ANTXR1: variants seen among roughly 807,000 people sequenced by gnomAD.
ANTXR1 encodes the protein ANTXR cell adhesion molecule 1.
In ANTXR1, 19 loss-of-function variants were observed where a neutral mutation model predicts 78.1. The observed-to-expected ratio is 0.24, with a 90% confidence interval of 0.17 to 0.36. The LOEUF is 0.36. ANTXR1 is among the 10% of genes least tolerant of loss of function. The pLI, the probability that ANTXR1 is intolerant of heterozygous loss-of-function variation, is 1.00. For synonymous variants in ANTXR1, 273 were observed against 260.5 expected (o/e 1.05, Z -0.46); for missense variants, 518 against 718.6 (o/e 0.72, Z 3.19).
intron 10 of ANTXR1, among the ~76,000 whole-genome samples, chr2:69,114,561 C>A (rs1213837790): frequency 6.6e-6 from 1 of 152,168 alleles, no homozygotes; most frequent in Non-Finnish European, 1.5e-5. Context: ...CAATAATAAC[C>A]CACTTCATTT....
chr2:69,177,487 G>A (rs1267751218), intron 14 of ANTXR1, among the ~76,000 whole-genome samples: 2 of 152,318 alleles, frequency 1.3e-5, no homozygotes, highest in South Asian at 2.1e-4. Context: ...GTCAGAAGGG[G>A]CCTCTACCAT....
chr2:69,174,360 A>G (rs924139322), intron 14 of ANTXR1, among the ~76,000 whole-genome samples: 16 of 152,338 alleles, frequency 1.1e-4, no homozygotes, highest in African/African-American at 3.6e-4. Context: ...TAACTGGGCC[A>G]GGTACAGTGG....
At chr2:69,070,491 G>A (rs1175138288) in intron 3 of ANTXR1, among the ~76,000 whole-genome samples, 156 bp from the exon 4 acceptor site, 4 of 152,166 alleles carry the variant, frequency 2.6e-5, no homozygotes, top group Non-Finnish European at 5.9e-5. Context: ...GACCCTGAAC[G>A]GATAATATAA....
At position 69,156,715 on chromosome 2, in the gene ANTXR1, C is replaced by T. The variant is rs572887894; in HGVS notation, c.1047+4451C>T. 3.3e-5 allele frequency among the ~76,000 whole-genome samples: 5 copies of T among 152,240 alleles called. No homozygotes were observed. In the South Asian group the frequency reaches 8.3e-4, roughly 25 times the overall value. The stretch of plus-strand genomic sequence containing the variant: ...GAGGTGCCACACACTTTTCAACAAC[C>T]GGATCTCAGGAAAACTCACTATCAC... On this transcript the variant is annotated intron_variant, in intron 13 of 17. Coordinates refer to ENST00000303714, the MANE Select transcript of ANTXR1 (RefSeq NM_032208.3).
chr2:69,162,040 A>G (rs1375354161), intron 13 of ANTXR1, among the ~76,000 whole-genome samples: 1 of 152,174 alleles, frequency 6.6e-6, no homozygotes, highest in Non-Finnish European at 1.5e-5. Flanking sequence ...AAAATCCATT[A>G]CTATTGACTG....
intron 10 of ANTXR1, among the ~76,000 whole-genome samples, chr2:69,120,674 G>A (rs12467800): frequency 0.3 from 44,888 of 151,372 alleles, 7,888 homozygotes; most frequent in African/African-American, 0.49. Flanking sequence ...AGAAAAAAAA[G>A]ATAATAATAA....
intron 13 of ANTXR1, among the ~76,000 whole-genome samples, chr2:69,158,518 C>G (rs188663749): frequency 3.1e-4 from 47 of 152,310 alleles, no homozygotes; most frequent in African/African-American, 1.1e-3. Context: ...ATATATCTCT[C>G]ACTGTACAGA....
At chr2:69,094,520 G>A (rs76923727) in intron 9 of ANTXR1, among the ~76,000 whole-genome samples, 6,506 of 152,188 alleles carry the variant, frequency 0.043, 462 homozygotes, top group African/African-American at 0.15. Flanking sequence ...TGCCTTCATC[G>A]AAAACCTTTC....
intron 13 of ANTXR1, among the ~76,000 whole-genome samples, chr2:69,160,348 C>T (rs1424459619): frequency 1.3e-5 from 2 of 152,102 alleles, no homozygotes; most frequent in African/African-American, 4.8e-5. Flanking sequence ...TTGTCAAAGT[C>T]GACTGGGTTT....
chr2:69,170,349 T>G (rs1673949524), intron 14 of ANTXR1, 60 bp downstream of exon 14: 1 of 1,599,040 alleles, frequency 6.3e-7, no homozygotes, highest in Non-Finnish European at 8.6e-7. Flanking sequence ...GGTGGAGAGC[T>G]GGCTGGGCAG....
At chr2:69,105,087 A>G (rs974846543) in intron 10 of ANTXR1, among the ~76,000 whole-genome samples, 5 of 152,206 alleles carry the variant, frequency 3.3e-5, no homozygotes, top group African/African-American at 1.2e-4. Flanking sequence ...CCCCATCCAA[A>G]TAATAATAGG....
At chr2:69,186,580 G>A (rs1674421968) in intron 16 of ANTXR1, among the ~76,000 whole-genome samples, 1 of 152,228 alleles carries the variant, frequency 6.6e-6, no homozygotes, top group South Asian at 2.1e-4. Context: ...GGCAACCAGG[G>A]GCTGGCAACA....
rs771470076 is a variant in ANTXR1 at position 69,090,925 on chromosome 2, T to C, written c.703+6T>C. On this transcript the variant is annotated splice_donor_region_variant and intron_variant, in intron 9 of 17. Transcript: ENST00000303714. ...ATCCACCATATGTGCAGGAGGTAAA[T>C]TGAAATGAAATGCTAATTGCTTTCA... 8 of 1,612,202 alleles carry C rather than the reference T, an allele frequency of 5.0e-6. No individual in the cohort carries two copies. Among genetic ancestry groups the C allele is most frequent in the East Asian group, 4.5e-5 (2 of 44,892 alleles).
chr2:69,167,580 T>C (rs1673863539), intron 13 of ANTXR1, among the ~76,000 whole-genome samples: 1 of 152,230 alleles, frequency 6.6e-6, no homozygotes, highest in South Asian at 2.1e-4. Context: ...CCTGTCTAGA[T>C]CATACTTTTA....
intron 12 of ANTXR1, among the ~76,000 whole-genome samples, chr2:69,149,309 G>A (rs572877659): frequency 1.6e-4 from 24 of 152,254 alleles, no homozygotes; most frequent in African/African-American, 5.8e-4. Flanking sequence ...CTCATTAGGG[G>A]CACCAAGCTT....
intron 3 of ANTXR1, among the ~76,000 whole-genome samples, chr2:69,050,524 G>A (rs182061097): frequency 6.6e-6 from 1 of 152,028 alleles, no homozygotes; most frequent in East Asian, 1.9e-4. Context: ...TTGGAAAAAT[G>A]AGTAGGCAAT....
Position 69,245,432 on chromosome 2 carries a change from C to T in ANTXR1, c.1642C>T (p.Pro548Ser). ...CCTTCCCCCTCCTCCCCAGGCTCCACCTCCCAACAGGGCACCTCCTCCCTC... is the reference window on the plus strand; with the variant it reads ...CCTTCCCCCTCCTCCCCAGGCTCCATCTCCCAACAGGGCACCTCCTCCCTC... ...STLPPPPQAPPPNRAPPPSRP... is the reference protein window; with the variant it reads ...STLPPPPQAPSPNRAPPPSRP... Residue 548 changes from proline to serine, a missense_variant, in exon 18 of 18, where the codon CCT becomes TCT. Coordinates refer to ENST00000303714, the MANE Select transcript of ANTXR1 (RefSeq NM_032208.3). 3 of 1,606,778 alleles carry T rather than the reference C, an allele frequency of 1.9e-6. No individual in the cohort carries two copies. The highest frequency in any genetic ancestry group is 2.5e-6 in the Non-Finnish European group (3 of 1,177,220).
chr2:69,212,347 G>A (rs1035733592), intron 17 of ANTXR1, among the ~76,000 whole-genome samples: 11 of 152,066 alleles, frequency 7.2e-5, no homozygotes, highest in Admixed American at 6.6e-4. Flanking sequence ...CCCAGGGAGC[G>A]CAGCCTTGAG....
intron 10 of ANTXR1, among the ~76,000 whole-genome samples, chr2:69,104,678 CA>C (rs1671745513): frequency 6.6e-6 from 1 of 152,168 alleles, no homozygotes; most frequent in Non-Finnish European, 1.5e-5. Context: ...GAAGACTTCC[CA>C]AACAAGCAGG....
Sources: allele counts gnomAD v4.1 joint callset (sites outside exome capture counted in the v4.1 genomes callset), GRCh38; gene constraint gnomAD v4.1.1; transcripts MANE v1.5; gene names NCBI Gene and HGNC (gene_info 2026-07-23, HGNC 2026-07-21).